Variants in ITGBL1 observed in about 807,000 individuals in gnomAD.
The protein encoded by ITGBL1 is integrin beta-like protein 1.
A neutral mutation model predicts 68.5 loss-of-function variants in ITGBL1; 51 were observed. The ratio of observed to expected loss-of-function variants is 0.74; its 90% CI spans 0.59 to 0.94. The LOEUF (loss-of-function observed/expected upper bound fraction) is 0.94. Among genes scored for constraint, ITGBL1 ranks in the 40% least tolerant of loss-of-function variants. The probability of loss-of-function intolerance (pLI) is 0.00; values close to 1 mark genes in which losing one functional copy is unlikely to be tolerated. For missense variants in ITGBL1, 649 were observed against 647.4 expected, an observed-to-expected ratio of 1.00 and a Z score of -0.03; for synonymous variants, 209 against 227.3, an observed-to-expected ratio of 0.92 and a Z score of 0.72.
intron 2 of ITGBL1, among the ~76,000 whole-genome samples, chr13:101,477,714 G>A (rs1217578284): frequency 6.6e-6 from 1 of 152,158 alleles, no homozygotes; most frequent in Non-Finnish European, 1.5e-5. Flanking sequence ...CAATAAATTA[G>A]AAAACCTGGA....
intron 6 of ITGBL1, among the ~76,000 whole-genome samples, chr13:101,584,070 T>C (rs2139291837): frequency 6.6e-6 from 1 of 152,356 alleles, no homozygotes; most frequent in East Asian, 1.9e-4. Context: ...TTTGATAGGC[T>C]TTAATGTTAT....
chr13:101,665,244 A>C (rs1028115566), intron 7 of ITGBL1, among the ~76,000 whole-genome samples: 2 of 152,160 alleles, frequency 1.3e-5, no homozygotes, highest in South Asian at 4.1e-4. Flanking sequence ...CAATTGACAG[A>C]ATTGACAGCA....
chr13:101,679,743 T>A (rs2033596596), intron 7 of ITGBL1, among the ~76,000 whole-genome samples: 1 of 152,244 alleles, frequency 6.6e-6, no homozygotes, highest in Admixed American at 6.5e-5. Flanking sequence ...AAGGTTCAAA[T>A]AATGAGATAA....
intron 2 of ITGBL1, among the ~76,000 whole-genome samples, chr13:101,464,397 A>G (rs951366279): frequency 3.3e-5 from 5 of 151,918 alleles, no homozygotes; most frequent in Non-Finnish European, 7.4e-5. Context: ...CTTGTACCCC[A>G]AGTGTTGATG....
chr13:101,500,497 A>G (rs1466779699), intron 2 of ITGBL1, among the ~76,000 whole-genome samples: 1 of 152,240 alleles, frequency 6.6e-6, no homozygotes, highest in Non-Finnish European at 1.5e-5. Flanking sequence ...CAACTGCTAC[A>G]AAATTCTTCA....
At chr13:101,644,339 A>G (rs1313916055) in intron 7 of ITGBL1, among the ~76,000 whole-genome samples, 1 of 152,154 alleles carries the variant, frequency 6.6e-6, no homozygotes, top group Non-Finnish European at 1.5e-5. Flanking sequence ...TTTTCATTGC[A>G]TTTGGAATCT....
rs148804098 is a variant in ITGBL1, at chr13:101,456,626, G to A, written c.316+2526G>A. 2.0e-5 allele frequency among the ~76,000 whole-genome samples: 3 copies of A among 152,192 alleles called. No homozygotes were observed. The East Asian group carries it at 5.8e-4, about 29-fold the overall frequency. On this transcript the variant is annotated intron_variant, in intron 2 of 10. Coordinates refer to ENST00000376180, the MANE Select transcript of ITGBL1 (RefSeq NM_004791.3). ...ATATCATGGAGTGATTAAAAGTGTG[G>A]GCTCTGGGCTGGGTGTGGTGGTTCA...
intron 6 of ITGBL1, among the ~76,000 whole-genome samples, chr13:101,585,465 C>G (rs545461797): frequency 5.3e-5 from 8 of 152,304 alleles, no homozygotes; most frequent in Admixed American, 5.2e-4. Context: ...GAGTCTCCCT[C>G]TGTTGCCCAG....
At chr13:101,479,158 A>G (rs1447170592) in intron 2 of ITGBL1, among the ~76,000 whole-genome samples, 1 of 149,628 alleles carries the variant, frequency 6.7e-6, no homozygotes, top group Non-Finnish European at 1.5e-5. Flanking sequence ...AAATCCATAC[A>G]TCTACAGTGA....
intron 2 of ITGBL1, among the ~76,000 whole-genome samples, chr13:101,469,577 G>A (rs2048429397): frequency 6.6e-6 from 1 of 152,260 alleles, no homozygotes; most frequent in Non-Finnish European, 1.5e-5. Flanking sequence ...CAGCTACTTG[G>A]GAGGCTGAGA....
At chr13:101,529,382 G>A (rs1278826901) in intron 2 of ITGBL1, among the ~76,000 whole-genome samples, 1 of 152,104 alleles carries the variant, frequency 6.6e-6, no homozygotes, top group Non-Finnish European at 1.5e-5. Flanking sequence ...CATACCAAAT[G>A]CCACATTGAC....
At chr13:101,649,542 C>T (rs116375819) in intron 7 of ITGBL1, among the ~76,000 whole-genome samples, 2,028 of 152,148 alleles carry the variant, frequency 0.013, 49 homozygotes, top group African/African-American at 0.046. Context: ...AAGGGACCTG[C>T]GGATGATATT....
At chr13:101,580,876 T>C (rs2050445895) in intron 5 of ITGBL1, among the ~76,000 whole-genome samples, 1 of 152,212 alleles carries the variant, frequency 6.6e-6, no homozygotes, top group African/African-American at 2.4e-5. Context: ...GCATCCCACT[T>C]CGCTGTGCTT....
At chr13:101,649,900 C>T (rs754499631) in intron 7 of ITGBL1, among the ~76,000 whole-genome samples, 1 of 152,166 alleles carries the variant, frequency 6.6e-6, no homozygotes, top group Non-Finnish European at 1.5e-5. Context: ...TCAAGAAGCT[C>T]TCAGGGCTGG....
At chr13:101,690,242 G>C (rs563844953) in intron 7 of ITGBL1, among the ~76,000 whole-genome samples, 2 of 152,190 alleles carry the variant, frequency 1.3e-5, no homozygotes, top group Non-Finnish European at 2.9e-5. Flanking sequence ...AAAAATATGG[G>C]ACAGAAATTA....
chr13:101,590,685 A>G (rs958536509), intron 6 of ITGBL1, among the ~76,000 whole-genome samples: 2 of 152,170 alleles, frequency 1.3e-5, no homozygotes, highest in African/African-American at 4.8e-5. Flanking sequence ...TACTTTGCCC[A>G]GTTTCCTCAC....
At chr13:101,460,180 A>G (rs1392899640) in intron 2 of ITGBL1, among the ~76,000 whole-genome samples, 1 of 151,846 alleles carries the variant, frequency 6.6e-6, no homozygotes, top group African/African-American at 2.4e-5. Context: ...CCCATCTTGG[A>G]TTTACCGCCC....
intron 2 of ITGBL1, among the ~76,000 whole-genome samples, chr13:101,548,679 A>G (rs1448317015): frequency 1.3e-5 from 2 of 151,812 alleles, no homozygotes; most frequent in Non-Finnish European, 3.0e-5. Flanking sequence ...TTTAACTATC[A>G]TTAACTTGAT....
chr13:101,632,506 G>A (rs1431393436), intron 7 of ITGBL1, among the ~76,000 whole-genome samples: 2 of 152,194 alleles, frequency 1.3e-5, no homozygotes, highest in African/African-American at 4.8e-5. Context: ...CCTACTCTGT[G>A]ACCTAGCAAT....
Sources: allele counts gnomAD v4.1 joint callset (sites outside exome capture counted in the v4.1 genomes callset), GRCh38; gene constraint gnomAD v4.1.1; transcripts MANE v1.5; gene names NCBI Gene and HGNC (gene_info 2026-07-23, HGNC 2026-07-21).